The following TRHDE variants were observed in gnomAD, a reference collection of about 807,000 sequenced individuals.
TRHDE encodes thyrotropin-releasing hormone-degrading ectoenzyme.
TRHDE carries 72 observed loss-of-function variants against 125.7 expected under a neutral mutation model. The ratio of observed to expected loss-of-function variants is 0.57; its 90% CI spans 0.47 to 0.70. TRHDE has a LOEUF of 0.70. Among genes scored for constraint, TRHDE ranks in the 30% least tolerant of loss-of-function variants. TRHDE has a pLI of 0.00. For synonymous variants in TRHDE, 509 were observed against 509.1 expected (o/e 1.00, Z 0.00); for missense variants, 1,110 against 1,327.1 (o/e 0.84, Z 2.54).
At chr12:72,501,411 T>A (rs1438525037) in intron 6 of TRHDE, among the ~76,000 whole-genome samples, 2 of 152,144 alleles carry the variant, frequency 1.3e-5, no homozygotes, top group Non-Finnish European at 2.9e-5. Flanking sequence ...GGATGTTGAC[T>A]CAATTCAATG....
In TRHDE at chr12:72,517,566, T is replaced by C. The variant is rs1468868779; in HGVS notation, c.1722+17931T>C. On this transcript the variant is annotated intron_variant, in intron 6 of 18. Transcript: ENST00000261180. Reference sequence around the variant, plus strand: ...CTTTATTAGTCTTGCTAGCGGTCTATCAGTTTTGTTGATCCTTTCAAAAAA... The same window carrying C: ...CTTTATTAGTCTTGCTAGCGGTCTACCAGTTTTGTTGATCCTTTCAAAAAA... 2.0e-5 allele frequency among the ~76,000 whole-genome samples: 3 copies of C among 152,202 alleles called. 1 individual carries two copies. In the South Asian group the frequency reaches 6.2e-4, roughly 32 times the overall value.
chr12:72,142,384 T>C (rs755326396), intron 2 of TRHDE, among the ~76,000 whole-genome samples: 145 of 152,190 alleles, frequency 9.5e-4, no homozygotes, highest in Admixed American at 1.6e-3. Flanking sequence ...TTTGGCTTTA[T>C]GCCTCTCAGT....
chr12:72,471,501 G>A (rs1876648777), intron 4 of TRHDE, among the ~76,000 whole-genome samples: 1 of 152,150 alleles, frequency 6.6e-6, no homozygotes, highest in Admixed American at 6.5e-5. Context: ...TTACTTTCTT[G>A]TTATAGCTTA....
chr12:72,308,607 G>C (rs1222184188), intron 2 of TRHDE, among the ~76,000 whole-genome samples: 1 of 152,116 alleles, frequency 6.6e-6, no homozygotes, highest in Admixed American at 6.6e-5. Context: ...AAGCTAACAA[G>C]CCCAGTCCAG....
At chr12:72,147,806 G>A (rs531660114) in intron 2 of TRHDE, 1 of 152,252 alleles carries the variant, frequency 6.6e-6, no homozygotes, top group African/African-American at 2.4e-5. Flanking sequence ...GTATGATGTA[G>A]TCTCCTTTAG....
intron 2 of TRHDE, among the ~76,000 whole-genome samples, chr12:72,148,027 A>G (rs748682387): frequency 6.6e-6 from 1 of 152,278 alleles, no homozygotes; most frequent in Non-Finnish European, 1.5e-5. Context: ...CACACTGTAC[A>G]TCAAATGACA....
intron 2 of TRHDE, among the ~76,000 whole-genome samples, chr12:72,173,811 T>C (rs1876930635): frequency 6.6e-6 from 1 of 152,132 alleles, no homozygotes; most frequent in South Asian, 2.1e-4. Context: ...ACATTAATTT[T>C]TCCTGAACTG....
At chr12:72,480,380 T>C (rs1450418087) in intron 5 of TRHDE, among the ~76,000 whole-genome samples, 4 of 152,156 alleles carry the variant, frequency 2.6e-5, no homozygotes, top group African/African-American at 4.8e-5. Flanking sequence ...TGGTATCTCA[T>C]TGTGGTTTTG....
At chr12:72,523,591 T>C (rs1171935617) in intron 6 of TRHDE, among the ~76,000 whole-genome samples, 1 of 152,210 alleles carries the variant, frequency 6.6e-6, no homozygotes, top group Non-Finnish European at 1.5e-5. Flanking sequence ...AGTTCTACAA[T>C]ATGTTTTATA....
chr12:72,563,991 A>G (rs1472949923), intron 9 of TRHDE, among the ~76,000 whole-genome samples: 1 of 152,224 alleles, frequency 6.6e-6, no homozygotes, highest in East Asian at 1.9e-4. Flanking sequence ...ATCTCTAAGA[A>G]GAATGGAAAT....
In TRHDE at chr12:72,470,036, G is replaced by A. The variant is rs980903643; in HGVS notation, c.1470+124G>A. On this transcript the variant is annotated intron_variant, in intron 4 of 18. Coordinates refer to ENST00000261180, the MANE Select transcript of TRHDE (RefSeq NM_013381.3). Reference sequence around the variant, plus strand: ...GTTTTAATTTTATATGGAGCACTGTGTAGTTCTTTCTGGAAGATATGTCAT... The same window carrying A: ...GTTTTAATTTTATATGGAGCACTGTATAGTTCTTTCTGGAAGATATGTCAT... 7.6e-6 allele frequency: 7 copies of A among 915,706 alleles called. No homozygotes were observed. The African/African-American group carries it at 1.0e-4, about 13-fold the overall frequency. The allele number at this position is 915,706 out of a possible 1,614,324, so 56.7% of individuals were successfully genotyped here.
At chr12:72,586,974 C>G (rs1033410691) in intron 12 of TRHDE, among the ~76,000 whole-genome samples, 15 of 151,844 alleles carry the variant, frequency 9.9e-5, no homozygotes, top group Admixed American at 3.3e-4. Context: ...GGAATGCTGT[C>G]AAAAATGCCA....
intron 12 of TRHDE, among the ~76,000 whole-genome samples, chr12:72,597,665 C>T (rs1222939229): frequency 2.1e-5 from 1 of 46,562 alleles, no homozygotes; most frequent in Non-Finnish European, 3.1e-5. Context: ...AAGACCTTGT[C>T]TAAAAAAAAA....
chr12:72,103,086 T>C (rs981503138), intron 1 of TRHDE, among the ~76,000 whole-genome samples: 10 of 152,226 alleles, frequency 6.6e-5, no homozygotes, highest in African/African-American at 2.4e-4. Flanking sequence ...AAGCACACCC[T>C]GTGCATGAAA....
rs79637695 is a variant in TRHDE at position 72,105,307 on chromosome 12, G to A, written n.175-341G>A. Among the ~76,000 whole-genome samples the A allele has an allele frequency of 4.3e-3, 652 of 152,192 alleles. 25 individuals carry two copies. The East Asian group carries it at 0.098, about 23-fold the overall frequency. ...GGACTGGAACAGGAATTTGATTAAC[G>A]GAGAGATCACAGAGAAAAGAGCATT... On this transcript the variant is annotated intron_variant and non_coding_transcript_variant, in intron 1 of 4. Transcript: ENST00000548156.
At chr12:72,435,385 T>C (rs929274564) in intron 3 of TRHDE, among the ~76,000 whole-genome samples, 1 of 152,172 alleles carries the variant, frequency 6.6e-6, no homozygotes, top group African/African-American at 2.4e-5. Context: ...ATTGGTGTTC[T>C]TTCAGCTTGA....
intron 3 of TRHDE, among the ~76,000 whole-genome samples, chr12:72,456,619 A>T (rs1483767099): frequency 1.3e-5 from 2 of 152,140 alleles, no homozygotes; most frequent in East Asian, 3.9e-4. Context: ...TGGTAGGAAA[A>T]TGGCTCCTGG....
Position 72,621,762 on chromosome 12 carries a change from C to T in TRHDE, c.2675+11C>T. On this transcript the variant is annotated intron_variant, in intron 15 of 18. Coordinates refer to ENST00000261180, the MANE Select transcript of TRHDE (RefSeq NM_013381.3). ...CAGCAACAGGAACAGGTAAACTGAG[C>T]CAAATCCTGTATTTCTGATATTATT... 2 of 1,565,954 alleles carry T rather than the reference C, an allele frequency of 1.3e-6. No homozygotes were observed. Among genetic ancestry groups the T allele is most frequent in the East Asian group, 2.3e-5 (1 of 43,564 alleles).
At chr12:72,438,064 A>G (rs1874824199) in intron 3 of TRHDE, among the ~76,000 whole-genome samples, 2 of 151,876 alleles carry the variant, frequency 1.3e-5, no homozygotes, top group Admixed American at 1.3e-4. Context: ...TTCACTTAAC[A>G]TAATGTCCTT....
Sources: gnomAD v4.1 joint callset for allele counts (sites outside exome capture counted in the v4.1 genomes callset) on GRCh38, gnomAD v4.1.1 for gene constraint, MANE v1.5 for transcripts, NCBI Gene and HGNC (gene_info 2026-07-23, HGNC 2026-07-21) for gene names.